Variants in KIAA0753 observed in about 807,000 individuals in gnomAD.
KIAA0753 encodes the protein KIAA0753, also known as protein moonraker.
KIAA0753 carries 114 observed loss-of-function variants against 116.9 expected under a neutral mutation model. The observed-to-expected ratio is 0.98, with a 90% CI of 0.84 to 1.14. KIAA0753 has a LOEUF of 1.14. KIAA0753 is among the 50% of genes most tolerant of loss of function. KIAA0753 has a pLI of 0.00. For synonymous variants in KIAA0753, 405 were observed against 413.1 expected, an observed-to-expected ratio of 0.98 and a Z score of 0.24; for missense variants, 1,156 against 1,172.4, an observed-to-expected ratio of 0.99 and a Z score of 0.20.
intron 3 of KIAA0753, among the ~76,000 whole-genome samples, chr17:6,627,730 T>C (rs1971760889): frequency 6.6e-6 from 1 of 152,180 alleles, no homozygotes; most frequent in Non-Finnish European, 1.5e-5. Context: ...ATAAATACAT[T>C]ATGCTCTCTT....
intron 15 of KIAA0753, 55 bp downstream of exon 15, chr17:6,596,103 A>G: frequency 6.5e-7 from 1 of 1,539,944 alleles, no homozygotes. Context: ...GAGAAATTGC[A>G]CTCGGCAGAG....
rs1429419161 is a variant in KIAA0753, at chr17:6,624,763, G to A, written c.817C>T (p.Gln273Ter). 1 of 1,557,402 alleles carries A rather than the reference G, an allele frequency of 6.4e-7. No individual in the cohort carries two copies. The highest frequency in any genetic ancestry group is 2.4e-5 in the East Asian group (1 of 42,048). Residue 273 changes from glutamine to a stop codon, truncating the protein, a stop_gained, in exon 4 of 19, where the codon CAG becomes TAG. Coordinates refer to ENST00000361413, the MANE Select transcript of KIAA0753 (RefSeq NM_014804.3). LOFTEE classifies it high-confidence loss of function. ...CCCTGAACTTTTCACACCTGCTGCT[G>A]GAGGACGTAGAGCATTCGGGCAGAG... ...ARSARMLYVL[Q>*]QQVKEIQEEL... is the part of the protein sequence containing the mutation.
intron 9 of KIAA0753, among the ~76,000 whole-genome samples, chr17:6,608,742 ACT>A (rs1216270877): frequency 1.3e-5 from 2 of 152,078 alleles, no homozygotes; most frequent in South Asian, 2.1e-4. Context: ...TGTCAACAAA[ACT>A]CTGTCACAAT....
intron 14 of KIAA0753, among the ~76,000 whole-genome samples, chr17:6,597,239 A>G (rs1053565399): frequency 6.6e-6 from 1 of 152,254 alleles, no homozygotes; most frequent in African/African-American, 2.4e-5. Flanking sequence ...AATGATTCAC[A>G]GAAGAAAATA....
chr17:6,613,117 C>T (rs1372695109), intron 7 of KIAA0753, among the ~76,000 whole-genome samples: 6 of 151,538 alleles, frequency 4.0e-5, no homozygotes, highest in Non-Finnish European at 7.4e-5. Flanking sequence ...TATAAGAAGA[C>T]GAAAACATAA....
At chr17:6,594,558 G>A (rs1207744319) in intron 16 of KIAA0753, among the ~76,000 whole-genome samples, 1 of 152,178 alleles carries the variant, frequency 6.6e-6, no homozygotes, top group East Asian at 1.9e-4. Flanking sequence ...CGGGGCATGA[G>A]GGAACTTTCT....
chr17:6,604,089 C>G (rs760269678), intron 12 of KIAA0753, among the ~76,000 whole-genome samples: 1 of 152,140 alleles, frequency 6.6e-6, no homozygotes, highest in Non-Finnish European at 1.5e-5. Context: ...TGGAACAAAG[C>G]GAAACAAAAC....
chr17:6,586,241 C>T (rs1211431030), intron 18 of KIAA0753, among the ~76,000 whole-genome samples: 1 of 152,160 alleles, frequency 6.6e-6, no homozygotes, highest in African/African-American at 2.4e-5. Flanking sequence ...ATGCCAGCAC[C>T]ATGCTTCCTG....
At chr17:6,588,332 C>T (rs990604077) in intron 18 of KIAA0753, among the ~76,000 whole-genome samples, 1 of 151,930 alleles carries the variant, frequency 6.6e-6, no homozygotes, top group African/African-American at 2.4e-5. Context: ...AGAGTGTAAA[C>T]CAAGAAAGCG....
intron 11 of KIAA0753, 29 bp downstream of exon 11, chr17:6,607,152 C>T (rs561591286): frequency 1.9e-6 from 3 of 1,582,524 alleles, no homozygotes; most frequent in South Asian, 2.2e-5. Flanking sequence ...GCCTGCTTAC[C>T]TTTTCCTAAC....
rs1167366413 is a variant in KIAA0753, at chr17:6,639,342, G to C, written c.-69+1295C>G. Reference sequence around the variant, plus strand: ...AGCCGAGCTCTCCCTCCATGGCTCTGGGCGCTCCCACAGCCCCAGTCCACC... The same window carrying C: ...AGCCGAGCTCTCCCTCCATGGCTCTCGGCGCTCCCACAGCCCCAGTCCACC... On this transcript the variant is annotated intron_variant, in intron 1 of 18. Transcript: ENST00000361413. The surrounding 1 kb of genome is among the most constrained non-coding windows in gnomAD (Gnocchi z 4.3). 1 of 153,004 alleles carries C rather than the reference G, an allele frequency of 6.5e-6. No homozygotes were observed. Among genetic ancestry groups the C allele is most frequent in the African/African-American group, 2.4e-5 (1 of 41,336 alleles). The allele number at this position is 153,004 out of a possible 1,614,324, so 9.5% of individuals were successfully genotyped here.
At chr17:6,613,405 G>A (rs1401537898) in intron 7 of KIAA0753, among the ~76,000 whole-genome samples, 1 of 151,792 alleles carries the variant, frequency 6.6e-6, no homozygotes, top group Non-Finnish European at 1.5e-5. Flanking sequence ...TTTTTTCAAG[G>A]ATCTAAATAA....
rs1427883292 is a variant in KIAA0753, at chr17:6,628,577, A to T, written c.258T>A (p.Ser86=). The part of the protein sequence containing the change: ...DCRVGPDLGS[S]VSFSVISQER... ...CTTGGGATATGACGGAAAATGAAAC[A>T]GAACTGCCCAGGTCAGGACCAACTC... The change falls in exon 3 of 19, where the codon TCT becomes TCA. Residue 86 remains serine, a synonymous_variant. Transcript: ENST00000361413. 6.2e-7 allele frequency: 1 copy of T among 1,614,210 alleles called. No homozygotes were observed.
intron 8 of KIAA0753, among the ~76,000 whole-genome samples, chr17:6,611,452 T>C (rs1970539545): frequency 6.6e-6 from 1 of 152,084 alleles, no homozygotes; most frequent in Non-Finnish European, 1.5e-5. Context: ...AAGCATGAGT[T>C]ACCACATCTG....
intron 12 of KIAA0753, among the ~76,000 whole-genome samples, chr17:6,603,142 G>A (rs533422946): frequency 6.6e-6 from 1 of 152,038 alleles, no homozygotes; most frequent in Non-Finnish European, 1.5e-5. Context: ...GGGGAGGGTA[G>A]GGGTAGAGGT....
At chr17:6,602,166 T>C (rs988479782) in intron 12 of KIAA0753, among the ~76,000 whole-genome samples, 77 of 152,342 alleles carry the variant, frequency 5.1e-4, no homozygotes, top group African/African-American at 1.8e-3. Flanking sequence ...CATGCACTGC[T>C]GATGGGAGTA....
At chr17:6,586,194 C>T (rs541881142) in intron 18 of KIAA0753, among the ~76,000 whole-genome samples, 33 of 152,282 alleles carry the variant, frequency 2.2e-4, no homozygotes, top group African/African-American at 7.0e-4. Context: ...TCTGCCATGA[C>T]GGTACGTTTC....
rs373111322 is a variant in KIAA0753 at position 6,580,409 on chromosome 17, G to C, written c.2787-545C>G. 2.8e-4 allele frequency among the ~76,000 whole-genome samples: 42 copies of C among 151,352 alleles called. No individual in the cohort carries two copies. The East Asian group carries it at 6.3e-3, about 23-fold the overall frequency. ...GGCTCACTGCAAGCTCCGCCTCCCGGGTTCACACCATTCTCCTGCCTCAGC... is the reference window on the plus strand; with the variant it reads ...GGCTCACTGCAAGCTCCGCCTCCCGCGTTCACACCATTCTCCTGCCTCAGC... On this transcript the variant is annotated intron_variant, in intron 18 of 18. Coordinates refer to ENST00000361413, the MANE Select transcript of KIAA0753 (RefSeq NM_014804.3).
chr17:6,586,906 G>C (rs923014283), intron 18 of KIAA0753, among the ~76,000 whole-genome samples: 1 of 152,140 alleles, frequency 6.6e-6, no homozygotes, highest in African/African-American at 2.4e-5. Context: ...TTAAAGATCT[G>C]ATCAATATAA....
Sources: gnomAD v4.1 joint callset for allele counts (sites outside exome capture counted in the v4.1 genomes callset) on GRCh38, gnomAD v4.1.1 for gene constraint, Gnocchi (gnomAD v3.1) non-coding constraint, MANE v1.5 for transcripts, NCBI Gene and HGNC (gene_info 2026-07-23, HGNC 2026-07-21) for gene names.